NQO2: variants seen among roughly 807,000 people sequenced by gnomAD.
NQO2 encodes the protein ribosyldihydronicotinamide dehydrogenase [quinone].
NQO2 carries 18 observed loss-of-function variants against 22.0 expected under a neutral mutation model. That is an observed-to-expected ratio of 0.82 (90% CI 0.56 to 1.21). NQO2 has a LOEUF of 1.21. Ranked by LOEUF, NQO2 falls within the 50% of genes most tolerant of loss-of-function variation. NQO2 has a pLI of 0.00. For missense variants in NQO2, 267 were observed against 286.9 expected, an observed-to-expected ratio of 0.93 and a Z score of 0.50; for synonymous variants, 106 against 110.8, an observed-to-expected ratio of 0.96 and a Z score of 0.28.
chr6:3,008,423 AAAAAG>A (rs2113443842), intron 2 of NQO2, among the ~76,000 whole-genome samples: 1 of 150,152 alleles, frequency 6.7e-6, no homozygotes, highest in East Asian at 2.0e-4. Flanking sequence ...AAAAAAAAAA[AAAAAG>A]AAAAAGAAAA....
At position 3,019,523 on chromosome 6, in the gene NQO2, G is replaced by C. The variant is rs781523664; in HGVS notation, c.564G>C (p.Gln188His). 1 of 1,614,184 alleles carries C rather than the reference G, an allele frequency of 6.2e-7. No homozygotes were observed. The highest frequency in any genetic ancestry group is 1.1e-5 in the South Asian group (1 of 91,086). ...GTGGATTTAAAGTCCTTGCCCCTCAGATCAGCTTTGCTCCTGAAATTGCAT... is the reference window on the plus strand; with the variant it reads ...GTGGATTTAAAGTCCTTGCCCCTCACATCAGCTTTGCTCCTGAAATTGCAT... ...HFCGFKVLAPQISFAPEIASE... is the reference protein window; with the variant it reads ...HFCGFKVLAPHISFAPEIASE... Residue 188 changes from glutamine (Q) to histidine (H), a missense_variant, in exon 7 of 7, where the codon CAG (glutamine) becomes CAC (histidine). Physicochemically the swap from Gln to His is conservative, Grantham distance 24. Coordinates refer to ENST00000380455, the MANE Select transcript of NQO2 (RefSeq NM_000904.6).
At chr6:3,016,788 C>G in intron 5 of NQO2, 96 bp from the exon 6 acceptor site, 3 of 1,540,572 alleles carry the variant, frequency 1.9e-6, no homozygotes, top group Non-Finnish European at 2.6e-6. Context: ...CACGCATGTT[C>G]CCTGCTGGCT....
intron 4 of NQO2, among the ~76,000 whole-genome samples, chr6:3,013,251 G>A (rs1450111459): frequency 6.6e-6 from 1 of 152,016 alleles, no homozygotes; most frequent in Non-Finnish European, 1.5e-5. Context: ...CACCGCGCCC[G>A]GCCGATGTAA....
At chr6:3,017,043 C>G (rs765194544) in intron 6 of NQO2, 58 bp downstream of exon 6, 113 of 1,575,312 alleles carry the variant, frequency 7.2e-5, no homozygotes, top group Non-Finnish European at 9.3e-5. Context: ...CAGACACACA[C>G]ATGCACACAT....
intron 1 of NQO2, chr6:3,004,446 A>G: frequency 1.0e-6 from 1 of 985,884 alleles, no homozygotes; most frequent in South Asian, 4.7e-5. Context: ...CCTGCCCCCA[A>G]CTCAGCTTCA....
chr6:3,010,182 T>C lies in NQO2; in HGVS notation c.165T>C (p.Asp55=). The C allele has an allele frequency of 6.2e-7, 1 of 1,609,666 alleles. No homozygotes were observed. Residue 55 remains aspartate (D), a synonymous_variant, in exon 3 of 7, where the codon GAT becomes GAC. Transcript: ENST00000380455. Reference sequence around the variant, plus strand: ...TTGAGCCGAGGGCCACAGACAAAGATATCACTGGTGAGTCATGGGATAAAT... The same window carrying C: ...TTGAGCCGAGGGCCACAGACAAAGACATCACTGGTGAGTCATGGGATAAAT... ...MNLEPRATDK[D]ITGTLSNPEV...
chr6:3,007,741 A>G (rs903003531), intron 2 of NQO2, among the ~76,000 whole-genome samples: 1 of 152,182 alleles, frequency 6.6e-6, no homozygotes, highest in Admixed American at 6.5e-5. Context: ...TATCAGCATC[A>G]CCACTGAAAG....
chr6:3,011,404 CAGA>C (rs1757130389), intron 3 of NQO2, among the ~76,000 whole-genome samples: 1 of 152,028 alleles, frequency 6.6e-6, no homozygotes, highest in Non-Finnish European at 1.5e-5. Context: ...TGAAAATACA[CAGA>C]GGAGAAAAAA....
chr6:3,000,184 G>A (rs1772909945), intron 1 of NQO2, 99 bp downstream of exon 1: 1 of 152,292 alleles, frequency 6.6e-6, no homozygotes. Context: ...CCGGCCATAT[G>A]GCCCTGTGGG....
chr6:3,012,399 G>T, intron 3 of NQO2, 145 bp from the exon 4 acceptor site: 12 of 1,456,030 alleles, frequency 8.2e-6, no homozygotes, highest in Non-Finnish European at 9.9e-6. Context: ...CCCTAGCTCG[G>T]ACCCAGGGTG....
intron 6 of NQO2, 102 bp from the exon 7 acceptor site, chr6:3,019,377 T>C: frequency 3.4e-6 from 5 of 1,453,786 alleles, no homozygotes; most frequent in Non-Finnish European, 4.5e-6. Flanking sequence ...CATGATTTTT[T>C]GAAGGTTTGT....
chr6:3,009,732 C>T (rs375103980), intron 2 of NQO2, among the ~76,000 whole-genome samples: 13 of 152,116 alleles, frequency 8.5e-5, no homozygotes, highest in Admixed American at 3.9e-4. Context: ...TGACTTCCCA[C>T]GAAACACACC....
At chr6:3,014,553 G>T (rs147280484) in intron 4 of NQO2, among the ~76,000 whole-genome samples, 2,030 of 152,306 alleles carry the variant, frequency 0.013, 31 homozygotes, top group South Asian at 0.065. Context: ...TGGCTGGGTA[G>T]GCTAAGACCT....
chr6:3,015,671 TG>T (rs1757302800), intron 5 of NQO2, 28 bp downstream of exon 5: 1 of 1,602,666 alleles, frequency 6.2e-7, no homozygotes, highest in East Asian at 2.2e-5. Context: ...AGGATCACTA[TG>T]GATAGTTGGA....
chr6:3,008,991 T>G (rs1239970315), intron 2 of NQO2, among the ~76,000 whole-genome samples: 1 of 151,526 alleles, frequency 6.6e-6, no homozygotes, highest in Admixed American at 6.6e-5. Context: ...TAATGAAGTT[T>G]TGGGCACCAT....
At chr6:3,017,670 G>A (rs1227374462) in intron 6 of NQO2, among the ~76,000 whole-genome samples, 4 of 152,178 alleles carry the variant, frequency 2.6e-5, no homozygotes, top group Non-Finnish European at 5.9e-5. Context: ...GGTGTCCCAC[G>A]AAGGAACCCC....
intron 2 of NQO2, among the ~76,000 whole-genome samples, chr6:3,009,168 C>T (rs984204617): frequency 3.3e-5 from 5 of 152,192 alleles, no homozygotes; most frequent in Non-Finnish European, 5.9e-5. Context: ...GCTGCCGCCC[C>T]GAAGCGGCCA....
rs758429505 is a variant in NQO2 at position 3,006,806 on chromosome 6, C to T, written c.7+247C>T. The T allele has an allele frequency of 1.7e-5, 8 of 461,890 alleles. No individual in the cohort carries two copies. Among genetic ancestry groups the T allele is most frequent in the Non-Finnish European group, 3.0e-5 (8 of 265,354 alleles). 28.6% of individuals were successfully genotyped at this position (461,890 alleles called of 1,614,324 possible). A position where few individuals can be genotyped will look rare whatever the true frequency, so the allele number is the denominator to read the frequency against. ...TCACTTGTTTCATTGTTCCTTTCGACTCCCTCCAGAATTTAGGTTCCTCAA... is the reference window on the plus strand; with the variant it reads ...TCACTTGTTTCATTGTTCCTTTCGATTCCCTCCAGAATTTAGGTTCCTCAA... On this transcript the variant is annotated intron_variant, in intron 2 of 6. Transcript: ENST00000380455. This position sits in a 1 kb window ranked among gnomAD's most constrained non-coding sequence, Gnocchi z 4.0.
At chr6:3,004,816 C>T (rs1178569119) in intron 1 of NQO2, among the ~76,000 whole-genome samples, 1 of 152,220 alleles carries the variant, frequency 6.6e-6, no homozygotes, top group Non-Finnish European at 1.5e-5. Context: ...TTTTTTCCTA[C>T]TGTGGTACAG....
Sources: allele counts gnomAD v4.1 joint callset (sites outside exome capture counted in the v4.1 genomes callset), GRCh38; gene constraint gnomAD v4.1.1; non-coding constraint Gnocchi (gnomAD v3.1); transcripts MANE v1.5; gene names NCBI Gene and HGNC (gene_info 2026-07-23, HGNC 2026-07-21).